The following SVIL variants were observed in gnomAD, a reference collection of about 807,000 sequenced individuals.
The protein encoded by SVIL is archvillin.
SVIL carries 101 observed loss-of-function variants against 240.4 expected under a neutral mutation model. The observed-to-expected ratio is 0.42, with a 90% CI of 0.36 to 0.50. The LOEUF (loss-of-function observed/expected upper bound fraction) is 0.50. SVIL is among the 20% of genes least tolerant of loss of function. The probability of loss-of-function intolerance (pLI) is 0.01; values close to 1 mark genes in which losing one functional copy is unlikely to be tolerated. For synonymous variants in SVIL, 999 were observed against 1,100.0 expected (o/e 0.91, Z 1.82); for missense variants, 2,512 against 2,818.7 (o/e 0.89, Z 2.46).
At chr10:29,501,527 G>A (rs892420157) in intron 17 of SVIL, among the ~76,000 whole-genome samples, 10 of 152,060 alleles carry the variant, frequency 6.6e-5, no homozygotes, top group Admixed American at 2.0e-4. Context: ...CTGGTAAAGC[G>A]TATGAAAGTG....
At chr10:29,491,775 G>A (rs932795) in intron 21 of SVIL, among the ~76,000 whole-genome samples, 28,428 of 152,150 alleles carry the variant, frequency 0.19, 2,839 homozygotes, top group Admixed American at 0.21. Flanking sequence ...GGTGTCATAT[G>A]TGTCTATCAA....
At chr10:29,681,051 A>G (rs1047666034) in intron 2 of SVIL, among the ~76,000 whole-genome samples, 1 of 152,180 alleles carries the variant, frequency 6.6e-6, no homozygotes, top group Non-Finnish European at 1.5e-5. Flanking sequence ...AGAAGCTCAG[A>G]GCACTGCAGG....
At chr10:29,624,048 T>C (rs1040192285) in intron 1 of SVIL, among the ~76,000 whole-genome samples, 1 of 152,012 alleles carries the variant, frequency 6.6e-6, no homozygotes, top group African/African-American at 2.4e-5. Flanking sequence ...AAGCAACATA[T>C]GACTAATCAG....
chr10:29,626,934 G>C (rs921070156), intron 1 of SVIL, among the ~76,000 whole-genome samples: 1 of 152,200 alleles, frequency 6.6e-6, no homozygotes, highest in Admixed American at 6.5e-5. Flanking sequence ...TGAGGCAGGA[G>C]AATGGTGTGA....
At chr10:29,487,778 T>C (rs1253285058) in intron 23 of SVIL, 1 of 148,178 alleles carries the variant, frequency 6.7e-6, no homozygotes, top group African/African-American at 2.5e-5. Context: ...GGCGCCACCT[T>C]CTGTGGCTTT....
intron 1 of SVIL, among the ~76,000 whole-genome samples, chr10:29,691,002 C>T (rs570407183): frequency 5.9e-5 from 9 of 152,262 alleles, no homozygotes; most frequent in Middle Eastern, 3.4e-3. Flanking sequence ...TATCATAAAA[C>T]GCAAAGCTTC....
chr10:29,728,004 G>T (rs1022057320), intron 1 of SVIL, among the ~76,000 whole-genome samples: 1 of 152,126 alleles, frequency 6.6e-6, no homozygotes, highest in Non-Finnish European at 1.5e-5. Context: ...AAGTCAATCT[G>T]TCAAGGATTT....
chr10:29,653,238 C>T (rs1958897933), intron 3 of SVIL, among the ~76,000 whole-genome samples: 1 of 152,118 alleles, frequency 6.6e-6, no homozygotes, highest in Non-Finnish European at 1.5e-5. Flanking sequence ...GGCAAACTTC[C>T]CCCTTGCTGT....
At chr10:29,686,031 C>T (rs1014115713) in intron 2 of SVIL, among the ~76,000 whole-genome samples, 1 of 152,102 alleles carries the variant, frequency 6.6e-6, no homozygotes, top group African/African-American at 2.4e-5. Flanking sequence ...ACCCATTGGC[C>T]CTAGGACCAA....
chr10:29,527,572 G>A (rs552577577), intron 12 of SVIL, among the ~76,000 whole-genome samples: 57 of 151,770 alleles, frequency 3.8e-4, no homozygotes, highest in South Asian at 1.0e-3. Flanking sequence ...GATTACAGGC[G>A]CGCACCACCA....
chr10:29,577,644 T>G (rs955713074), intron 1 of SVIL, among the ~76,000 whole-genome samples: 2 of 152,336 alleles, frequency 1.3e-5, no homozygotes, highest in East Asian at 3.9e-4. Flanking sequence ...GCTATAAATA[T>G]GCGGGTGCAT....
rs947765112 is a variant in SVIL, at chr10:29,552,471, G to C, written c.161-1208C>G. On this transcript the variant is annotated intron_variant, in intron 5 of 37. Coordinates refer to ENST00000355867, the MANE Select transcript of SVIL (RefSeq NM_021738.3). ...CCAGCTACTCAGGAGGCTGAGGCAG[G>C]AGAATCACTTGAACCCGGGAGGCAG... 2.0e-5 allele frequency among the ~76,000 whole-genome samples: 3 copies of C among 150,044 alleles called. No homozygotes were observed. In the East Asian group the frequency reaches 5.9e-4, roughly 30 times the overall value.
intron 6 of SVIL, among the ~76,000 whole-genome samples, chr10:29,547,413 A>G (rs1404819990): frequency 3.2e-5 from 4 of 123,380 alleles, no homozygotes; most frequent in Non-Finnish European, 5.3e-5. Flanking sequence ...TAAGGCATGC[A>G]CCTCTCTAGA....
At chr10:29,469,890 C>G (rs16930249) in intron 32 of SVIL, among the ~76,000 whole-genome samples, 12,357 of 152,292 alleles carry the variant, frequency 0.081, 521 homozygotes, top group Admixed American at 0.12. Context: ...TTTTAACACT[C>G]TGCTGTTCTG....
chr10:29,575,309 C>T (rs1955641812), intron 1 of SVIL: 1 of 209,424 alleles, frequency 4.8e-6, no homozygotes, highest in Non-Finnish European at 1.0e-5. Flanking sequence ...ATGGGCTAGG[C>T]CAATGCTGAA....
rs1459703384 is a variant in SVIL at position 29,554,882 on chromosome 10, T to C, written c.61A>G (p.Ile21Val). Residue 21 changes from isoleucine (I) to valine (V), a missense_variant, in exon 5 of 38, where the codon ATC becomes GTC. By Grantham distance (29) the Ile-to-Val change is conservative. Transcript: ENST00000355867. ...LEGIENDTQPILLQSCTGLVT... is the reference protein window; with the variant it reads ...LEGIENDTQPVLLQSCTGLVT... The stretch of plus-strand genomic sequence containing the variant: ...AATCCTGTGCAGCTCTGCAAGAGGA[T>C]GGGCTGAGTGTCATTTTCAATCCCT... 1.2e-6 allele frequency: 2 copies of C among 1,613,764 alleles called. No individual in the cohort carries two copies. Among genetic ancestry groups the C allele is most frequent in the Non-Finnish European group, 8.5e-7 (1 of 1,179,840 alleles).
In SVIL at chr10:29,463,563, G is replaced by C. The variant is rs747148714; in HGVS notation, c.6206C>G (p.Thr2069Ser). The change falls in exon 35 of 38, where the codon ACT (threonine) becomes AGT (serine). Residue 2069 changes from threonine to serine, a missense_variant. Around this residue, in one of 3 missense-constraint regions of SVIL, gnomAD observed 797 missense variants for 925.3 expected, o/e 0.86. Transcript: ENST00000355867. Reference protein sequence around the residue: ...QGWWPIENKITGSARIRWASD... With the variant: ...QGWWPIENKISGSARIRWASD... ...GGCCCAGCGGATGCGGGCGGAACCA[G>C]TGATCTTGTTCTCGATGGGCCACCA... is the stretch of plus-strand genomic sequence containing the variant. 2 of 1,614,216 alleles carry C rather than the reference G, an allele frequency of 1.2e-6. No individual in the cohort carries two copies. The highest frequency in any genetic ancestry group is 2.2e-5 in the South Asian group (2 of 91,088).
chr10:29,532,396 A>G, intron 8 of SVIL, 133 bp downstream of exon 8: 1 of 1,417,794 alleles, frequency 7.1e-7, no homozygotes, highest in East Asian at 2.5e-5. Flanking sequence ...CATTTTCCGC[A>G]TAGTCGCCCT....
rs188909667 is a variant in SVIL, at chr10:29,503,962, C to T, written c.3517-4699G>A. 2.7e-3 allele frequency among the ~76,000 whole-genome samples: 406 copies of T among 152,218 alleles called. 3 individuals carry two copies. The highest frequency in any genetic ancestry group is 0.014 in the Middle Eastern group (4 of 294). ...AACTTCAAGACTTACTATAAAGCCT[C>T]GGCAATCAAGATTGTGTGGTATTGA... On this transcript the variant is annotated intron_variant, in intron 17 of 37. Coordinates refer to ENST00000355867, the MANE Select transcript of SVIL (RefSeq NM_021738.3).
Sources: allele counts gnomAD v4.1 joint callset (sites outside exome capture counted in the v4.1 genomes callset), GRCh38; gene constraint gnomAD v4.1.1; regional missense constraint gnomAD v4.1.1; transcripts MANE v1.5; gene names NCBI Gene and HGNC (gene_info 2026-07-23, HGNC 2026-07-21).